The following PAN3 variants were observed in gnomAD, a reference collection of about 807,000 sequenced individuals.
PAN3 encodes the protein PAN2-PAN3 deadenylation complex subunit PAN3.
Under a neutral mutation model 96.2 loss-of-function variants are expected in PAN3, and 19 were observed. The observed-to-expected ratio is 0.20, with a 90% CI of 0.14 to 0.29. The LOEUF is 0.29. PAN3 is among the 10% of genes least tolerant of loss of function. PAN3 has a pLI of 1.00. For synonymous variants in PAN3, 433 were observed against 406.6 expected (o/e 1.06, Z -0.78); for missense variants, 882 against 1,108.1 (o/e 0.80, Z 2.90).
chr13:28,147,007 A>G (rs535817527), intron 1 of PAN3, among the ~76,000 whole-genome samples: 2 of 152,280 alleles, frequency 1.3e-5, no homozygotes, highest in South Asian at 2.1e-4. Context: ...AGAAAAAAAT[A>G]GAAAAGGTAC....
intron 18 of PAN3, 136 bp from the exon 19 acceptor site, chr13:28,292,242 ATGAT>A: frequency 1.3e-6 from 1 of 793,120 alleles, no homozygotes; most frequent in Non-Finnish European, 1.9e-6. Context: ...ATACTGATGA[ATGAT>A]ATAAATGTAC....
intron 1 of PAN3, among the ~76,000 whole-genome samples, chr13:28,171,363 A>G (rs1458584330): frequency 6.6e-6 from 1 of 152,174 alleles, no homozygotes; most frequent in Non-Finnish European, 1.5e-5. Context: ...TCTGGTTACC[A>G]CATGGGTGTC....
At chr13:28,156,807 A>T (rs1286575056) in intron 1 of PAN3, among the ~76,000 whole-genome samples, 3 of 152,056 alleles carry the variant, frequency 2.0e-5, no homozygotes, top group Non-Finnish European at 4.4e-5. Flanking sequence ...AGCCTGTGTA[A>T]CATGGTGAGT....
At chr13:28,255,911 T>A (rs1885100491) in intron 6 of PAN3, among the ~76,000 whole-genome samples, 1 of 152,042 alleles carries the variant, frequency 6.6e-6, no homozygotes. Flanking sequence ...ATGCCTTTTA[T>A]AAAAGAAAAA....
chr13:28,251,700 C>T (rs937620811), intron 6 of PAN3, among the ~76,000 whole-genome samples: 8 of 152,126 alleles, frequency 5.3e-5, no homozygotes, highest in African/African-American at 1.4e-4. Context: ...TTTTACACAG[C>T]GGTTTTAGTT....
chr13:28,239,201 G>GCGCA (rs1555286477), intron 6 of PAN3, among the ~76,000 whole-genome samples: 1,160 of 101,276 alleles, frequency 0.011, 15 homozygotes, highest in African/African-American at 0.032. Context: ...ATGCACACAC[G>GCGCA]CACACACACA....
intron 6 of PAN3, among the ~76,000 whole-genome samples, chr13:28,231,141 A>G (rs1367818569): frequency 6.6e-6 from 1 of 152,232 alleles, no homozygotes; most frequent in Admixed American, 6.5e-5. Context: ...TAGTATAGTT[A>G]AAACCCTGAT....
intron 5 of PAN3, among the ~76,000 whole-genome samples, chr13:28,201,199 T>TC (rs1419488663): frequency 2.4e-4 from 36 of 150,122 alleles, no homozygotes; most frequent in African/African-American, 8.0e-4. Context: ...TGCACCCACC[T>TC]AATTTTTTTT....
intron 6 of PAN3, among the ~76,000 whole-genome samples, chr13:28,233,658 A>G (rs908477154): frequency 7.9e-5 from 12 of 152,178 alleles, no homozygotes; most frequent in African/African-American, 2.7e-4. Context: ...TATGTTGCAA[A>G]TTAATTTTGT....
At chr13:28,229,717 C>T (rs567883722) in intron 6 of PAN3, among the ~76,000 whole-genome samples, 72 of 152,166 alleles carry the variant, frequency 4.7e-4, no homozygotes, top group Non-Finnish European at 8.7e-4. Flanking sequence ...TTTTTATTGG[C>T]TTTTTTATTG....
At chr13:28,180,889 T>G (rs968939178) in intron 4 of PAN3, among the ~76,000 whole-genome samples, 1 of 152,078 alleles carries the variant, frequency 6.6e-6, no homozygotes, top group African/African-American at 2.4e-5. Flanking sequence ...TAATTGGAGA[T>G]GCAATACATG....
At chr13:28,160,288 CTAAGGATGG>C (rs1383125453) in intron 1 of PAN3, among the ~76,000 whole-genome samples, 1 of 151,936 alleles carries the variant, frequency 6.6e-6, no homozygotes. Context: ...TTTTTGACTT[CTAAGGATGG>C]AAATGGGGAA....
In PAN3 at chr13:28,138,665, G is replaced by A; in HGVS notation, c.8G>A (p.Ser3Asn). The A allele has an allele frequency of 1.4e-6, 1 of 714,860 alleles. No individual in the cohort carries two copies. Among genetic ancestry groups the A allele is most frequent in the Non-Finnish European group, 2.0e-6 (1 of 489,276 alleles). The allele number at this position is 714,860 out of a possible 1,614,324, so 44.3% of individuals were successfully genotyped here. A position where few individuals can be genotyped will look rare whatever the true frequency, so the allele number is the denominator to read the frequency against. The change falls in exon 1 of 19, where the codon AGT becomes AAT. Residue 3 changes from serine (S) to asparagine (N), a missense_variant. Ser to Asn is a conservative substitution (Grantham distance 46, BLOSUM62 1). Transcript: ENST00000380958. Reference sequence around the variant, plus strand: ...CGAGGCTGCGGCGTTGCCATGAACAGTGGCGGCGGCCTCCCGCCCCCCTCG... The same window carrying A: ...CGAGGCTGCGGCGTTGCCATGAACAATGGCGGCGGCCTCCCGCCCCCCTCG... MN[S>N]GGGLPPPSAA...
intron 9 of PAN3, among the ~76,000 whole-genome samples, chr13:28,264,531 A>C (rs1886003645): frequency 6.6e-6 from 1 of 152,182 alleles, no homozygotes. Context: ...CTCCAAAAAA[A>C]AAGAAAAAAG....
chr13:28,286,373 A>T (rs189771675), intron 17 of PAN3, among the ~76,000 whole-genome samples: 7 of 152,088 alleles, frequency 4.6e-5, no homozygotes, highest in African/African-American at 1.7e-4. Context: ...AGAAAGTAAA[A>T]CCTCCAGATT....
chr13:28,165,940 A>G (rs887917380), intron 1 of PAN3, among the ~76,000 whole-genome samples: 27 of 152,276 alleles, frequency 1.8e-4, no homozygotes, highest in African/African-American at 6.0e-4. Flanking sequence ...AAAGGCCCCA[A>G]TTCTCAATAC....
chr13:28,207,040 C>A (rs1373701608), intron 5 of PAN3, among the ~76,000 whole-genome samples: 2 of 152,110 alleles, frequency 1.3e-5, no homozygotes, highest in East Asian at 3.9e-4. Flanking sequence ...CTCCCCCTCT[C>A]ACAGAGGCAG....
intron 5 of PAN3, among the ~76,000 whole-genome samples, chr13:28,200,554 C>T (rs45547436): frequency 0.01 from 1,568 of 152,282 alleles, 11 homozygotes; most frequent in Non-Finnish European, 0.015. Context: ...CTTATGATTC[C>T]CTACCCTTTA....
At chr13:28,282,614 C>T (rs1593633125) in intron 17 of PAN3, among the ~76,000 whole-genome samples, 1 of 152,368 alleles carries the variant, frequency 6.6e-6, no homozygotes, top group East Asian at 1.9e-4. Context: ...CACACACATG[C>T]ACACATGAGT....
Sources: gnomAD v4.1 joint callset for allele counts (sites outside exome capture counted in the v4.1 genomes callset) on GRCh38, gnomAD v4.1.1 for gene constraint, MANE v1.5 for transcripts, NCBI Gene and HGNC (gene_info 2026-07-23, HGNC 2026-07-21) for gene names.